DPP6: variants seen among roughly 807,000 people sequenced by gnomAD.
DPP6 encodes dipeptidyl peptidase like 6.
A neutral mutation model predicts 122.6 loss-of-function variants in DPP6; 69 were observed. That is an observed-to-expected ratio of 0.56 (90% CI 0.46 to 0.69). DPP6 has a LOEUF of 0.69. Among genes scored for constraint, DPP6 ranks in the 30% least tolerant of loss-of-function variants. The pLI is 0.00. For synonymous variants in DPP6, 418 were observed against 433.1 expected, an observed-to-expected ratio of 0.97 and a Z score of 0.43; for missense variants, 928 against 1,116.9, an observed-to-expected ratio of 0.83 and a Z score of 2.41.
intron 3 of DPP6, among the ~76,000 whole-genome samples, chr7:154,518,210 A>G (rs573663943): frequency 3.9e-4 from 60 of 152,350 alleles, no homozygotes; most frequent in African/African-American, 1.4e-3. Flanking sequence ...TATGATTCAG[A>G]TCAATTTGTT....
chr7:153,783,027 G>T, the DPP6 span, among the ~76,000 whole-genome samples: 1 of 152,164 alleles, frequency 6.6e-6, no homozygotes, highest in Admixed American at 6.5e-5. Context: ...GAGAGTTAAG[G>T]GATGGTTTAT....
At chr7:154,886,679 T>C (rs1203777662) in intron 22 of DPP6, among the ~76,000 whole-genome samples, 1 of 152,152 alleles carries the variant, frequency 6.6e-6, no homozygotes, top group Non-Finnish European at 1.5e-5. Context: ...CTGCTGCTGG[T>C]CCACCGCAGT....
chr7:153,840,581 A>G, the DPP6 span, among the ~76,000 whole-genome samples: 1 of 152,178 alleles, frequency 6.6e-6, no homozygotes, highest in African/African-American at 2.4e-5. Flanking sequence ...CTACTTCTTC[A>G]TGTAGAAAAG....
At chr7:154,530,885 C>G (rs1463851783) in intron 3 of DPP6, among the ~76,000 whole-genome samples, 1 of 152,082 alleles carries the variant, frequency 6.6e-6, no homozygotes, top group Non-Finnish European at 1.5e-5. Flanking sequence ...CCTCAGCAAA[C>G]TAACACAGGA....
At chr7:154,648,641 C>T (rs1836660618) in intron 6 of DPP6, among the ~76,000 whole-genome samples, 1 of 152,154 alleles carries the variant, frequency 6.6e-6, no homozygotes, top group Middle Eastern at 3.4e-3. Flanking sequence ...CGCTTTCGGC[C>T]GGGCGTGGTG....
chr7:154,422,920 C>T (rs555032847), intron 1 of DPP6, among the ~76,000 whole-genome samples: 4 of 152,220 alleles, frequency 2.6e-5, no homozygotes, highest in East Asian at 3.9e-4. Context: ...TTGTCAAAAA[C>T]GTTCAATGTG....
chr7:153,799,500 G>A, the DPP6 span, among the ~76,000 whole-genome samples: 1 of 152,100 alleles, frequency 6.6e-6, no homozygotes, highest in Non-Finnish European at 1.5e-5. Context: ...TGCTCCCGGA[G>A]AGCTTGCACC....
At chr7:154,698,052 G>A (rs1207324578) in intron 7 of DPP6, among the ~76,000 whole-genome samples, 1 of 152,100 alleles carries the variant, frequency 6.6e-6, no homozygotes, top group Non-Finnish European at 1.5e-5. Flanking sequence ...TTTTAAAATA[G>A]CATCAATAGA....
At chr7:154,885,473 C>T in intron 21 of DPP6, 160 bp from the exon 22 acceptor site, 3 of 1,009,870 alleles carry the variant, frequency 3.0e-6, no homozygotes, top group East Asian at 2.7e-5. Flanking sequence ...CTTTTCATCT[C>T]TTGTTACTGC....
chr7:154,398,583 C>T (rs76968838), intron 1 of DPP6, among the ~76,000 whole-genome samples: 1,965 of 152,048 alleles, frequency 0.013, 26 homozygotes, highest in Non-Finnish European at 0.02. Flanking sequence ...ATTTTTTTCT[C>T]CATTTCAAGT....
chr7:154,419,619 G>A (rs914779736), intron 1 of DPP6, among the ~76,000 whole-genome samples: 2 of 152,162 alleles, frequency 1.3e-5, no homozygotes, highest in African/African-American at 4.8e-5. Context: ...TCCTTCTCTT[G>A]AAGGGGTTAC....
intron 1 of DPP6, among the ~76,000 whole-genome samples, chr7:154,005,428 A>G (rs1352095989): frequency 1.3e-5 from 2 of 151,982 alleles, no homozygotes; most frequent in African/African-American, 4.8e-5. Context: ...CCTTGTGGTC[A>G]GACCCCGGGA....
rs947407466 is a variant in DPP6, at chr7:154,717,174, A to G, written c.763-10593A>G. Among the ~76,000 whole-genome samples, 6 of 152,200 alleles carry G rather than the reference A, an allele frequency of 3.9e-5. No homozygotes were observed. The South Asian group carries it at 8.3e-4, about 21-fold the overall frequency. On this transcript the variant is annotated intron_variant, in intron 7 of 25. Coordinates refer to ENST00000377770, the MANE Select transcript of DPP6 (RefSeq NM_130797.4). ...CATGTATACAATGTGTAATTATCAA[A>G]TTACAGTAATTAGCAGATTCATCAG...
chr7:154,806,900 AC>A (rs989228246), intron 15 of DPP6, 93 bp from the exon 16 acceptor site: 39 of 1,512,918 alleles, frequency 2.6e-5, no homozygotes, highest in Non-Finnish European at 1.2e-5. Flanking sequence ...TCCGCAGATC[AC>A]CCTCATGGGG....
intron 1 of DPP6, among the ~76,000 whole-genome samples, chr7:153,972,183 T>A (rs1796053078): frequency 6.6e-6 from 1 of 151,082 alleles, no homozygotes; most frequent in African/African-American, 2.4e-5. Context: ...TGAGAGAAAC[T>A]CCCAGAGGCA....
intron 5 of DPP6, among the ~76,000 whole-genome samples, chr7:154,577,150 G>T (rs1046977584): frequency 6.6e-5 from 10 of 152,120 alleles, no homozygotes; most frequent in Non-Finnish European, 1.5e-5. Context: ...ACTCAGTGGT[G>T]CTTTAGGAGG....
chr7:154,507,553 C>A (rs965871869), intron 3 of DPP6, among the ~76,000 whole-genome samples: 4 of 152,122 alleles, frequency 2.6e-5, no homozygotes. Context: ...ATTTGAAAAT[C>A]AGATGTTAAA....
chr7:154,643,768 A>T (rs1836267033), intron 6 of DPP6, among the ~76,000 whole-genome samples: 1 of 152,144 alleles, frequency 6.6e-6, no homozygotes, highest in Non-Finnish European at 1.5e-5. Context: ...GATTTTTAAC[A>T]CTACCCACCA....
At position 154,600,310 on chromosome 7, in the gene DPP6, G is replaced by A. The variant is rs925133227; in HGVS notation, c.627+33394G>A. Among the ~76,000 whole-genome samples the A allele has an allele frequency of 2.6e-5, 3 of 117,190 alleles. 1 individual carries two copies. The highest frequency in any genetic ancestry group is 5.4e-5 in the African/African-American group (2 of 36,782). The allele number at this position is 117,190 out of a possible 152,430, so 76.9% of individuals were successfully genotyped here. On this transcript the variant is annotated intron_variant, in intron 5 of 25. Coordinates refer to ENST00000377770, the MANE Select transcript of DPP6 (RefSeq NM_130797.4). Reference sequence around the variant, plus strand: ...GCCCGGCTAATTTTTCGTATTTTTTGTAGACATGGGGTTTCACCATGTTGG... The same window carrying A: ...GCCCGGCTAATTTTTCGTATTTTTTATAGACATGGGGTTTCACCATGTTGG...
Sources: allele counts gnomAD v4.1 joint callset (sites outside exome capture counted in the v4.1 genomes callset), GRCh38; gene constraint gnomAD v4.1.1; transcripts MANE v1.5; gene names NCBI Gene and HGNC (gene_info 2026-07-23, HGNC 2026-07-21).